PCDHGB3: variants seen among roughly 807,000 people sequenced by gnomAD.
PCDHGB3 encodes the protein protocadherin gamma subfamily B, 3.
PCDHGB3 carries 40 observed loss-of-function variants against 59.2 expected under a neutral mutation model. The observed-to-expected ratio is 0.68, with a 90% CI of 0.52 to 0.88. The LOEUF (loss-of-function observed/expected upper bound fraction) is 0.88, where lower values mean the gene tolerates loss of function less well. Ranked by LOEUF, PCDHGB3 falls within the 40% of genes least tolerant of loss-of-function variation. PCDHGB3 has a pLI of 0.00. For missense variants in PCDHGB3, 1,309 were observed against 1,187.9 expected (o/e 1.10, Z -1.50); for synonymous variants, 581 against 503.6 (o/e 1.15, Z -2.06).
Position 141,476,115 on chromosome 5 carries a change from A to G in PCDHGB3, c.2416-18692A>G. 1 of 1,592,814 alleles carries G rather than the reference A, an allele frequency of 6.3e-7. No homozygotes were observed. The highest frequency in any genetic ancestry group is 8.5e-7 in the Non-Finnish European group (1 of 1,171,734). On this transcript the variant is annotated intron_variant, in intron 1 of 3. Coordinates refer to ENST00000576222, the MANE Select transcript of PCDHGB3 (RefSeq NM_018924.5). This position sits in a 1 kb window ranked among gnomAD's most constrained non-coding sequence, Gnocchi z 7.6. ...CGCTGAGAGGAACTGCTTTTGAGTG[A>G]GATGGTCCCAGAGGCCTGGAGGAGC...
chr5:141,444,494 A>G (rs892854259), intron 1 of PCDHGB3, among the ~76,000 whole-genome samples: 1 of 152,010 alleles, frequency 6.6e-6, no homozygotes, highest in Admixed American at 6.6e-5. Flanking sequence ...ATATTGTGTA[A>G]TACTTTGCTC....
intron 1 of PCDHGB3, chr5:141,384,939 C>T (rs1780682611): frequency 6.2e-7 from 1 of 1,614,018 alleles, no homozygotes; most frequent in Non-Finnish European, 8.5e-7. Context: ...GCCTTGAGCC[C>T]TCCGACGGTC....
chr5:141,380,361 G>GA (rs980591138), intron 1 of PCDHGB3, among the ~76,000 whole-genome samples: 103 of 151,620 alleles, frequency 6.8e-4, no homozygotes, highest in South Asian at 1.2e-3. Flanking sequence ...TTGTTTTTTA[G>GA]AAAAAAAAGT....
At chr5:141,393,259 G>GAGCACGTT (rs1561641390) in intron 1 of PCDHGB3, 2 of 1,613,874 alleles carry the variant, frequency 1.2e-6, no homozygotes, top group Non-Finnish European at 1.7e-6. Flanking sequence ...GCGGTTCCTG[G>GAGCACGTT]AGCACGTTAT....
At chr5:141,484,943 C>T (rs542244720) in intron 1 of PCDHGB3, 14 of 546,098 alleles carry the variant, frequency 2.6e-5, no homozygotes, top group African/African-American at 2.3e-4. Flanking sequence ...GTTCTCTGCT[C>T]AGCCTATTGG....
intron 1 of PCDHGB3, chr5:141,426,732 C>T (rs576525011): frequency 2.7e-4 from 123 of 448,642 alleles, no homozygotes; most frequent in African/African-American, 2.2e-3. Context: ...TCCAGGCATT[C>T]GGTTTGGCCT....
chr5:141,431,974 CA>C lies in PCDHGB3; in HGVS notation c.2415+59166del, dbSNP rs1419355804. The C allele has an allele frequency of 1.2e-6, 2 of 1,614,174 alleles. No individual in the cohort carries two copies. The highest frequency in any genetic ancestry group is 1.3e-5 in the African/African-American group (1 of 75,058). On this transcript the variant is annotated intron_variant, in intron 1 of 3. Transcript: ENST00000576222. This position sits in a 1 kb window ranked among gnomAD's most constrained non-coding sequence, Gnocchi z 4.8. ...CTTACGGAAATTACTATAGTTTAGT[CA>C]CAGACATAGTCTTGGATAGGGAACA... is the stretch of plus-strand genomic sequence containing the variant.
chr5:141,388,118 C>G (rs771996326), intron 1 of PCDHGB3: 1 of 1,412,700 alleles, frequency 7.1e-7, no homozygotes, highest in African/African-American at 1.4e-5. Flanking sequence ...TCACCGTGAG[C>G]GCAGAGAGCG....
Position 141,491,739 on chromosome 5 carries a change from C to T in PCDHGB3, c.2416-3068C>T. ...CGCCGCCCCGGGCGACCCCTGGGGG[C>T]GGCACTGGAGAAGCCGCCCGTCCTC... On this transcript the variant is annotated intron_variant, in intron 1 of 3. Transcript: ENST00000576222. This position sits in a 1 kb window ranked among gnomAD's most constrained non-coding sequence, Gnocchi z 6.9. The T allele has an allele frequency of 1.3e-6, 2 of 1,599,004 alleles. No individual in the cohort carries two copies. Among genetic ancestry groups the T allele is most frequent in the East Asian group, 2.3e-5 (1 of 44,194 alleles).
At chr5:141,500,260 C>G (rs2099798502) in intron 2 of PCDHGB3, among the ~76,000 whole-genome samples, 3 of 151,104 alleles carry the variant, frequency 2.0e-5, no homozygotes, top group African/African-American at 2.4e-5. Flanking sequence ...CCAGGCTGGA[C>G]TGCAGTGGCG....
chr5:141,394,532 T>G (rs1259695027), intron 1 of PCDHGB3: 7 of 1,614,188 alleles, frequency 4.3e-6, no homozygotes, highest in East Asian at 4.5e-5. Flanking sequence ...ACGGTTCCAC[T>G]GGCGTGGAGC....
intron 1 of PCDHGB3, chr5:141,374,211 C>T (rs748746691): frequency 6.2e-6 from 10 of 1,613,954 alleles, no homozygotes; most frequent in Non-Finnish European, 8.5e-6. Context: ...GAGAAAGGCT[C>T]CTTCGTAGGC....
At position 141,489,774 on chromosome 5, in the gene PCDHGB3, C is replaced by T; in HGVS notation, c.2416-5033C>T. The T allele has an allele frequency of 1.2e-6, 2 of 1,614,164 alleles. No homozygotes were observed. Among genetic ancestry groups the T allele is most frequent in the Non-Finnish European group, 8.5e-7 (1 of 1,179,998 alleles). On this transcript the variant is annotated intron_variant, in intron 1 of 3. Transcript: ENST00000576222. The surrounding 1 kb of genome is among the most constrained non-coding windows in gnomAD (Gnocchi z 4.5). The stretch of plus-strand genomic sequence containing the variant: ...ACACTCTAAGCCCCAACAGCCACTT[C>T]TCTCTGAATGTGAAGACCCTAAAAG...
chr5:141,489,692 G>A lies in PCDHGB3; in HGVS notation c.2416-5115G>A. 1.9e-6 allele frequency: 3 copies of A among 1,614,128 alleles called. No individual in the cohort carries two copies. The highest frequency in any genetic ancestry group is 1.7e-6 in the Non-Finnish European group (2 of 1,179,980). On this transcript the variant is annotated intron_variant, in intron 1 of 3. Coordinates refer to ENST00000576222, the MANE Select transcript of PCDHGB3 (RefSeq NM_018924.5). The surrounding 1 kb of genome is among the most constrained non-coding windows in gnomAD (Gnocchi z 4.5). The stretch of plus-strand genomic sequence containing the variant: ...TCAGAATCAGCAGCATCTGGGGCAC[G>A]ATTCCCACTGGACAGTGCCCAGGAT...
At chr5:141,500,012 A>G (rs2099795840) in intron 2 of PCDHGB3, among the ~76,000 whole-genome samples, 1 of 151,622 alleles carries the variant, frequency 6.6e-6, no homozygotes, top group Non-Finnish European at 1.5e-5. Flanking sequence ...TAAGGTCCAC[A>G]TTTTATATTT....
intron 1 of PCDHGB3, chr5:141,415,377 C>T (rs774655293): frequency 1.2e-6 from 2 of 1,614,118 alleles, no homozygotes; most frequent in African/African-American, 2.7e-5. Flanking sequence ...CTTCAGGAGG[C>T]GGCTTGACAG....
At chr5:141,382,945 C>T (rs1357779050) in intron 1 of PCDHGB3, 1 of 1,597,008 alleles carries the variant, frequency 6.3e-7, no homozygotes, top group Admixed American at 1.7e-5. Context: ...ATTCTTCCTG[C>T]TCTCCATCCT....
Position 141,371,540 on chromosome 5 carries a change from C to G in PCDHGB3, c.1146C>G (p.Ile382Met). Reference protein sequence around the residue: ...HDLDSGFNGEILCQLKGNFPF... With the variant: ...HDLDSGFNGEMLCQLKGNFPF... Reference sequence around the variant, plus strand: ...TAGATTCTGGATTTAATGGAGAAATCCTATGCCAACTAAAAGGAAACTTCC... The same window carrying G: ...TAGATTCTGGATTTAATGGAGAAATGCTATGCCAACTAAAAGGAAACTTCC... Residue 382 changes from isoleucine to methionine, a missense_variant, in exon 1 of 4, where the codon ATC (isoleucine) becomes ATG (methionine). Ile to Met is a conservative substitution (Grantham distance 10, BLOSUM62 1). Transcript: ENST00000576222. 6.2e-7 allele frequency: 1 copy of G among 1,613,730 alleles called. No homozygotes were observed. Among genetic ancestry groups the G allele is most frequent in the East Asian group, 2.2e-5 (1 of 44,882 alleles).
rs776004958 is a variant in PCDHGB3 at position 141,410,344 on chromosome 5, C to T, written c.2415+37535C>T. 6 of 1,614,006 alleles carry T rather than the reference C, an allele frequency of 3.7e-6. No individual in the cohort carries two copies. In the South Asian group the frequency reaches 6.6e-5, roughly 18 times the overall value. On this transcript the variant is annotated intron_variant, in intron 1 of 3. Transcript: ENST00000576222. ...CCGTGATTCTGGCCATTGCCTTGCG[C>T]CTGCGACGCTCTCTCAGCCCTGCTA...
Sources: allele counts gnomAD v4.1 joint callset (sites outside exome capture counted in the v4.1 genomes callset), GRCh38; gene constraint gnomAD v4.1.1; non-coding constraint Gnocchi (gnomAD v3.1); transcripts MANE v1.5; gene names NCBI Gene and HGNC (gene_info 2026-07-23, HGNC 2026-07-21).